CADPS2: variants seen among roughly 807,000 people sequenced by gnomAD.
CADPS2 encodes calcium dependent secretion activator 2.
In CADPS2, 93 loss-of-function variants were observed where a neutral mutation model predicts 172.5. The ratio of observed to expected loss-of-function variants is 0.54; its 90% CI spans 0.46 to 0.64. The LOEUF (loss-of-function observed/expected upper bound fraction) is 0.64. CADPS2 is among the 30% of genes least tolerant of loss of function. CADPS2 has a pLI of 0.00. For missense variants in CADPS2, 1,420 were observed against 1,565.9 expected (o/e 0.91, Z 1.57); for synonymous variants, 546 against 555.2 (o/e 0.98, Z 0.23).
chr7:122,399,624 TATATCATGA>T (rs2151566009), intron 20 of CADPS2, among the ~76,000 whole-genome samples: 1 of 146,668 alleles, frequency 6.8e-6, no homozygotes, highest in East Asian at 2.1e-4. Flanking sequence ...TGAGTACAGC[TATATCATGA>T]TCGATAACTC....
intron 3 of CADPS2, among the ~76,000 whole-genome samples, chr7:122,650,517 T>C (rs1020030897): frequency 6.6e-6 from 1 of 152,236 alleles, no homozygotes; most frequent in Non-Finnish European, 1.5e-5. Flanking sequence ...GGAGCAGAAT[T>C]AGATAAAGTA....
chr7:122,474,139 A>AT (rs1191384755), intron 13 of CADPS2, among the ~76,000 whole-genome samples: 1 of 152,140 alleles, frequency 6.6e-6, no homozygotes, highest in African/African-American at 2.4e-5. Context: ...CATCTATTTG[A>AT]GTCTATTCTC....
At chr7:122,835,582 T>A (rs961472137) in intron 1 of CADPS2, among the ~76,000 whole-genome samples, 3 of 152,206 alleles carry the variant, frequency 2.0e-5, no homozygotes, top group Admixed American at 2.0e-4. Flanking sequence ...TGTAGAGAAG[T>A]CCTTAAATGA....
intron 3 of CADPS2, among the ~76,000 whole-genome samples, chr7:122,647,860 A>T (rs893413397): frequency 3.3e-5 from 5 of 152,208 alleles, no homozygotes; most frequent in Admixed American, 2.0e-4. Context: ...ATTTTTTAAA[A>T]TAAATGATTC....
chr7:122,348,971 G>A lies in CADPS2; in HGVS notation c.3505-3290C>T, dbSNP rs921293654. Reference sequence around the variant, plus strand: ...TGCTAAGACTCTGTTTTATTATGGTGGTAAAATTTACACACCGAAAGTCAC... The same window carrying A: ...TGCTAAGACTCTGTTTTATTATGGTAGTAAAATTTACACACCGAAAGTCAC... On this transcript the variant is annotated intron_variant, in intron 27 of 29. Transcript: ENST00000449022. Among the ~76,000 whole-genome samples the A allele has an allele frequency of 2.0e-5, 3 of 152,146 alleles. No individual in the cohort carries two copies. The South Asian group carries it at 6.2e-4, about 32-fold the overall frequency.
chr7:122,333,153 C>T (rs1247006811), intron 28 of CADPS2, among the ~76,000 whole-genome samples: 1 of 152,070 alleles, frequency 6.6e-6, no homozygotes, highest in African/African-American at 2.4e-5. Context: ...TTCGTTTAGG[C>T]AATATGAAAT....
At chr7:122,574,113 G>C (rs1467529623) in intron 7 of CADPS2, among the ~76,000 whole-genome samples, 1 of 151,996 alleles carries the variant, frequency 6.6e-6, no homozygotes, top group Non-Finnish European at 1.5e-5. Context: ...ATATATTGAT[G>C]TCGTTGAGAA....
At chr7:122,408,907 C>T (rs1308185783) in intron 19 of CADPS2, among the ~76,000 whole-genome samples, 8 of 151,990 alleles carry the variant, frequency 5.3e-5, no homozygotes, top group Non-Finnish European at 7.4e-5. Context: ...AAAAAGATTG[C>T]CATGTAATTA....
chr7:122,401,602 G>A (rs1007785384), intron 20 of CADPS2, among the ~76,000 whole-genome samples: 12 of 152,116 alleles, frequency 7.9e-5, no homozygotes, highest in Non-Finnish European at 1.5e-4. Context: ...TTGAACCATC[G>A]TGCCAATTAC....
chr7:122,711,880 T>TGA (rs148045339), intron 2 of CADPS2, among the ~76,000 whole-genome samples: 10,045 of 152,128 alleles, frequency 0.066, 372 homozygotes, highest in South Asian at 0.17. Context: ...CTCGAACTCC[T>TGA]GACCTTGTGA....
intron 9 of CADPS2, among the ~76,000 whole-genome samples, chr7:122,512,022 G>A (rs188348820): frequency 1.3e-5 from 2 of 152,128 alleles, no homozygotes; most frequent in East Asian, 3.9e-4. Context: ...GTGTGTGCAC[G>A]TGTATGTATC....
chr7:122,818,999 C>T (rs1320784253), intron 1 of CADPS2, among the ~76,000 whole-genome samples: 3 of 152,168 alleles, frequency 2.0e-5, no homozygotes, highest in Non-Finnish European at 4.4e-5. Flanking sequence ...AAATTAAATT[C>T]CAGCCCTCAA....
intron 1 of CADPS2, among the ~76,000 whole-genome samples, chr7:122,823,200 T>G (rs917619783): frequency 3.9e-5 from 6 of 152,298 alleles, no homozygotes; most frequent in Admixed American, 1.3e-4. Context: ...CCAAAAAAAT[T>G]CAATCTTTAT....
chr7:122,607,388 G>A (rs1250379786), intron 6 of CADPS2, among the ~76,000 whole-genome samples: 1 of 152,096 alleles, frequency 6.6e-6, no homozygotes, highest in African/African-American at 2.4e-5. Context: ...TAAGAATTAA[G>A]CTTCCTACTT....
intron 7 of CADPS2, among the ~76,000 whole-genome samples, chr7:122,577,006 C>T (rs1380890236): frequency 6.6e-6 from 1 of 152,034 alleles, no homozygotes; most frequent in African/African-American, 2.4e-5. Flanking sequence ...GGTGATCCCC[C>T]TGCCTCGGCC....
chr7:122,853,498 T>C (rs1488747294), intron 1 of CADPS2, among the ~76,000 whole-genome samples: 3 of 152,218 alleles, frequency 2.0e-5, no homozygotes, highest in Non-Finnish European at 4.4e-5. Context: ...CTACCTGCAG[T>C]TGGTAACCTC....
chr7:122,808,155 T>C (rs910195342), intron 1 of CADPS2, among the ~76,000 whole-genome samples: 1 of 152,148 alleles, frequency 6.6e-6, no homozygotes, highest in Admixed American at 6.5e-5. Context: ...TGCTCACGAT[T>C]ACCAGATTGG....
At chr7:122,548,300 G>A (rs962893362) in intron 8 of CADPS2, among the ~76,000 whole-genome samples, 3 of 152,094 alleles carry the variant, frequency 2.0e-5, no homozygotes, top group African/African-American at 7.2e-5. Flanking sequence ...TTGAGCCCAG[G>A]AGGTGGAGGC....
intron 6 of CADPS2, among the ~76,000 whole-genome samples, chr7:122,592,251 T>C (rs1317142009): frequency 6.6e-6 from 1 of 152,116 alleles, no homozygotes; most frequent in African/African-American, 2.4e-5. Context: ...TCATCATCAC[T>C]GGCCATCAGA....
Sources: gnomAD v4.1 joint callset for allele counts (sites outside exome capture counted in the v4.1 genomes callset) on GRCh38, gnomAD v4.1.1 for gene constraint, MANE v1.5 for transcripts, NCBI Gene and HGNC (gene_info 2026-07-23, HGNC 2026-07-21) for gene names.